The following PPARGC1A variants were observed in gnomAD, a reference collection of about 807,000 sequenced individuals.
PPARGC1A encodes peroxisome proliferator-activated receptor gamma coactivator 1-alpha.
Under a neutral mutation model 88.7 loss-of-function variants are expected in PPARGC1A, and 25 were observed. The observed-to-expected ratio is 0.28, with a 90% CI of 0.21 to 0.39. The LOEUF (loss-of-function observed/expected upper bound fraction) is 0.39. PPARGC1A is among the 10% of genes least tolerant of loss of function. The pLI, the probability that PPARGC1A is intolerant of heterozygous loss-of-function variation, is 1.00. For synonymous variants in PPARGC1A, 363 were observed against 355.6 expected, an observed-to-expected ratio of 1.02 and a Z score of -0.24; for missense variants, 880 against 968.7, an observed-to-expected ratio of 0.91 and a Z score of 1.22.
the PPARGC1A span, among the ~76,000 whole-genome samples, chr4:24,297,578 T>C: frequency 6.6e-6 from 1 of 152,124 alleles, no homozygotes; most frequent in African/African-American, 2.4e-5. Flanking sequence ...AAATGATTCA[T>C]TACCATAAAC....
chr4:23,890,354 A>C, upstream of PPARGC1A: 1 of 173,772 alleles, frequency 5.8e-6, no homozygotes, highest in Non-Finnish European at 1.2e-5. Flanking sequence ...TGGCCATATA[A>C]TAACCAAAAT....
the PPARGC1A span, among the ~76,000 whole-genome samples, chr4:24,281,738 CCT>C: frequency 6.6e-6 from 1 of 152,086 alleles, no homozygotes; most frequent in African/African-American, 2.4e-5. Flanking sequence ...AGAGATCATG[CCT>C]CTGTTTCTTC....
chr4:24,285,928 A>C, the PPARGC1A span, among the ~76,000 whole-genome samples: 2 of 152,206 alleles, frequency 1.3e-5, no homozygotes, highest in African/African-American at 4.8e-5. Flanking sequence ...GTTGCACTGA[A>C]GCTTAAGAAA....
At chr4:24,022,616 G>A in the PPARGC1A span, among the ~76,000 whole-genome samples, 1 of 152,146 alleles carries the variant, frequency 6.6e-6, no homozygotes, top group Non-Finnish European at 1.5e-5. Context: ...GGTGAGACAG[G>A]AGCAGGGCCT....
rs892132554 is a variant in PPARGC1A at position 23,845,419 on chromosome 4, A to G, written c.235-13668T>C. ...GCAGATTCCTGACACTTGGATCTATATGGTATATTAAGATTGCGGACACTA... is the reference window on the plus strand; with the variant it reads ...GCAGATTCCTGACACTTGGATCTATGTGGTATATTAAGATTGCGGACACTA... On this transcript the variant is annotated intron_variant, in intron 2 of 12. Transcript: ENST00000264867. Among the ~76,000 whole-genome samples the G allele has an allele frequency of 3.9e-5, 6 of 152,152 alleles. 1 individual carries two copies. Among genetic ancestry groups the G allele is most frequent in the Admixed American group, 3.9e-4 (6 of 15,262 alleles).
chr4:24,373,091 G>A, the PPARGC1A span, among the ~76,000 whole-genome samples: 1 of 152,182 alleles, frequency 6.6e-6, no homozygotes, highest in Non-Finnish European at 1.5e-5. Flanking sequence ...ATTCTGGAAG[G>A]GAGAAGCTAC....
At chr4:23,852,297 A>G (rs977343759) in intron 2 of PPARGC1A, among the ~76,000 whole-genome samples, 1 of 152,184 alleles carries the variant, frequency 6.6e-6, no homozygotes, top group Non-Finnish European at 1.5e-5. Context: ...AACAACAGTT[A>G]TTGAACCGCA....
intron 7 of PPARGC1A, among the ~76,000 whole-genome samples, chr4:23,815,564 G>A (rs1466956731): frequency 6.6e-6 from 1 of 152,040 alleles, no homozygotes. Flanking sequence ...TTTTCTATAG[G>A]AGGGCAGAAC....
the PPARGC1A span, among the ~76,000 whole-genome samples, chr4:23,947,080 G>A: frequency 6.6e-6 from 1 of 151,740 alleles, no homozygotes; most frequent in Non-Finnish European, 1.5e-5. Context: ...AATATCTACT[G>A]TCCCCCCACT....
At chr4:24,236,552 T>C in the PPARGC1A span, among the ~76,000 whole-genome samples, 1 of 152,180 alleles carries the variant, frequency 6.6e-6, no homozygotes, top group African/African-American at 2.4e-5. Context: ...GCACTTGCCA[T>C]GCCAACATCA....
At chr4:24,193,142 T>C in the PPARGC1A span, among the ~76,000 whole-genome samples, 1 of 152,242 alleles carries the variant, frequency 6.6e-6, no homozygotes, top group Non-Finnish European at 1.5e-5. Flanking sequence ...ATTTGGTATT[T>C]TAATTTTTTG....
chr4:24,003,788 G>A, the PPARGC1A span, among the ~76,000 whole-genome samples: 1 of 149,384 alleles, frequency 6.7e-6, no homozygotes, highest in Non-Finnish European at 1.5e-5. Flanking sequence ...TGAATGAAGG[G>A]TTTAATGAAA....
chr4:24,258,887 T>C, the PPARGC1A span, among the ~76,000 whole-genome samples: 61 of 152,360 alleles, frequency 4.0e-4, no homozygotes, highest in Admixed American at 2.1e-3. Flanking sequence ...TCAGTATTTA[T>C]TGAGTTCTTA....
At chr4:23,969,559 A>C in the PPARGC1A span, among the ~76,000 whole-genome samples, 1 of 152,220 alleles carries the variant, frequency 6.6e-6, no homozygotes. Flanking sequence ...GTATTTACTA[A>C]TATTTTTAAC....
chr4:24,036,291 T>C, the PPARGC1A span, among the ~76,000 whole-genome samples: 2 of 152,282 alleles, frequency 1.3e-5, no homozygotes, highest in East Asian at 3.9e-4. Flanking sequence ...ACACTGCTAG[T>C]GAGAATGTAA....
At chr4:24,051,131 T>G in the PPARGC1A span, among the ~76,000 whole-genome samples, 1 of 126,562 alleles carries the variant, frequency 7.9e-6, no homozygotes, top group East Asian at 2.4e-4. Context: ...GAGCTTGCAG[T>G]GAGCAAAGAT....
At chr4:24,439,282 G>A in the PPARGC1A span, among the ~76,000 whole-genome samples, 11 of 152,172 alleles carry the variant, frequency 7.2e-5, no homozygotes, top group African/African-American at 2.2e-4. Flanking sequence ...GGTGAGAGGA[G>A]GTAAGAGAAC....
At chr4:24,425,919 G>A in the PPARGC1A span, among the ~76,000 whole-genome samples, 1 of 152,086 alleles carries the variant, frequency 6.6e-6, no homozygotes, top group Admixed American at 6.5e-5. Context: ...GAAATAACAA[G>A]CTTTTACACA....
At chr4:24,227,234 G>C in the PPARGC1A span, among the ~76,000 whole-genome samples, 1 of 151,998 alleles carries the variant, frequency 6.6e-6, no homozygotes, top group South Asian at 2.1e-4. Context: ...ACAGGCACAC[G>C]CCGCCATGCC....
Sources: gnomAD v4.1 joint callset for allele counts (sites outside exome capture counted in the v4.1 genomes callset) on GRCh38, gnomAD v4.1.1 for gene constraint, MANE v1.5 for transcripts, NCBI Gene and HGNC (gene_info 2026-07-23, HGNC 2026-07-21) for gene names.